The following SUGCT variants were observed in gnomAD, a reference collection of about 807,000 sequenced individuals.
The protein encoded by SUGCT is succinyl-CoA:glutarate-CoA transferase.
A neutral mutation model predicts 55.0 loss-of-function variants in SUGCT; 41 were observed. The ratio of observed to expected loss-of-function variants is 0.74; its 90% CI spans 0.58 to 0.97. SUGCT has a LOEUF of 0.97. Ranked by LOEUF, SUGCT falls within the 50% of genes least tolerant of loss-of-function variation. SUGCT has a pLI of 0.00. For missense variants in SUGCT, 568 were observed against 547.8 expected, an observed-to-expected ratio of 1.04 and a Z score of -0.37; for synonymous variants, 187 against 200.4, an observed-to-expected ratio of 0.93 and a Z score of 0.56.
intron 1 of SUGCT, among the ~76,000 whole-genome samples, chr7:40,178,988 T>G (rs947378514): frequency 6.6e-6 from 1 of 152,192 alleles, no homozygotes; most frequent in Admixed American, 6.5e-5. Flanking sequence ...TCTTTCTGCC[T>G]TTCTATAATA....
At chr7:40,621,413 C>T (rs1018816898) in intron 12 of SUGCT, among the ~76,000 whole-genome samples, 3 of 152,112 alleles carry the variant, frequency 2.0e-5, no homozygotes, top group Non-Finnish European at 2.9e-5. Flanking sequence ...GCTTTTTATT[C>T]CCTGGCTTGA....
chr7:40,283,131 T>C (rs1793079235), intron 8 of SUGCT, among the ~76,000 whole-genome samples: 1 of 152,030 alleles, frequency 6.6e-6, no homozygotes, highest in African/African-American at 2.4e-5. Flanking sequence ...TTGCAAAGCA[T>C]ATATCTGATA....
chr7:40,485,256 GT>G (rs1791264547), intron 11 of SUGCT, among the ~76,000 whole-genome samples: 1 of 151,740 alleles, frequency 6.6e-6, no homozygotes, highest in Non-Finnish European at 1.5e-5. Flanking sequence ...AAGACTTCCA[GT>G]AACCTGACTG....
the SUGCT span, among the ~76,000 whole-genome samples, chr7:40,901,378 T>G: frequency 0.051 from 7,698 of 152,290 alleles, 294 homozygotes; most frequent in South Asian, 0.17. Flanking sequence ...TTGTTTCAAC[T>G]TATGGGGAAT....
intron 6 of SUGCT, among the ~76,000 whole-genome samples, chr7:40,237,282 G>A: frequency 6.6e-6 from 1 of 151,586 alleles, no homozygotes; most frequent in East Asian, 2.0e-4. Flanking sequence ...TGTCTTTACT[G>A]AAAATACAAA....
At chr7:40,943,188 A>T in the SUGCT span, among the ~76,000 whole-genome samples, 6,078 of 151,270 alleles carry the variant, frequency 0.04, 139 homozygotes, top group South Asian at 0.074. Context: ...TGGGTTGATG[A>T]TTTCTTCTAA....
intron 12 of SUGCT, among the ~76,000 whole-genome samples, chr7:40,635,719 A>G (rs1799995098): frequency 1.3e-5 from 2 of 152,136 alleles, no homozygotes; most frequent in Middle Eastern, 3.2e-3. Flanking sequence ...ATCTGTTTTT[A>G]TTGCCAATAT....
the SUGCT span, chr7:40,966,531 G>A: frequency 2.0e-5 from 3 of 152,164 alleles, no homozygotes; most frequent in African/African-American, 7.2e-5. Context: ...TCTGTGAGGC[G>A]GTGGGAGGCG....
At chr7:40,376,519 G>C (rs1200756148) in intron 9 of SUGCT, among the ~76,000 whole-genome samples, 1 of 151,878 alleles carries the variant, frequency 6.6e-6, no homozygotes, top group African/African-American at 2.4e-5. Flanking sequence ...AGCCTCCTGA[G>C]TAGCTGGGAC....
the SUGCT span, among the ~76,000 whole-genome samples, chr7:41,032,035 A>G: frequency 2.6e-5 from 4 of 152,000 alleles, no homozygotes; most frequent in Non-Finnish European, 5.9e-5. Flanking sequence ...CTAAAATTAG[A>G]CTGAAGATGC....
intron 12 of SUGCT, among the ~76,000 whole-genome samples, chr7:40,748,446 GGTTTT>G (rs1303179997): frequency 6.6e-6 from 1 of 151,322 alleles, no homozygotes; most frequent in Non-Finnish European, 1.5e-5. Context: ...TTATTATTTA[GGTTTT>G]GTTTTAAAGA....
chr7:40,238,869 A>G (rs947486352), intron 7 of SUGCT, among the ~76,000 whole-genome samples: 2 of 148,622 alleles, frequency 1.3e-5, no homozygotes, highest in Non-Finnish European at 3.0e-5. Context: ...CGCCCAGGCT[A>G]GAGTGCAGTG....
At chr7:41,002,180 T>C in the SUGCT span, among the ~76,000 whole-genome samples, 4 of 152,106 alleles carry the variant, frequency 2.6e-5, no homozygotes, top group East Asian at 7.7e-4. Context: ...ACCATTATGC[T>C]TGGCTAATTT....
intron 12 of SUGCT, among the ~76,000 whole-genome samples, chr7:40,677,681 C>G (rs544845746): frequency 6.6e-6 from 1 of 152,214 alleles, no homozygotes; most frequent in South Asian, 2.1e-4. Context: ...CTAATAAGAA[C>G]GTTCATATCT....
At chr7:40,817,995 A>G (rs1015987100) in intron 13 of SUGCT, among the ~76,000 whole-genome samples, 2 of 152,174 alleles carry the variant, frequency 1.3e-5, no homozygotes, top group Admixed American at 6.5e-5. Context: ...CAAGAAATCA[A>G]TTTGCTTAAT....
intron 12 of SUGCT, among the ~76,000 whole-genome samples, chr7:40,555,909 G>C (rs1041090399): frequency 6.6e-6 from 1 of 151,790 alleles, no homozygotes; most frequent in Admixed American, 6.6e-5. Flanking sequence ...TTAACCAGGG[G>C]ATAAAACATT....
At chr7:40,632,568 G>A (rs1341658543) in intron 12 of SUGCT, among the ~76,000 whole-genome samples, 2 of 149,286 alleles carry the variant, frequency 1.3e-5, no homozygotes, top group Non-Finnish European at 3.0e-5. Flanking sequence ...TACCCGACCA[G>A]TTTCTTTCTT....
chr7:40,921,186 G>A, the SUGCT span, among the ~76,000 whole-genome samples: 1 of 152,030 alleles, frequency 6.6e-6, no homozygotes, highest in Non-Finnish European at 1.5e-5. Flanking sequence ...TTTAATAGGT[G>A]CTTGTAAGGT....
At chr7:40,206,410 C>T (rs1786978167) in intron 6 of SUGCT, among the ~76,000 whole-genome samples, 1 of 152,068 alleles carries the variant, frequency 6.6e-6, no homozygotes, top group Non-Finnish European at 1.5e-5. Context: ...TATTTAATCA[C>T]AAAGGTTAAA....
Sources: gnomAD v4.1 joint callset for allele counts (sites outside exome capture counted in the v4.1 genomes callset) on GRCh38, gnomAD v4.1.1 for gene constraint, MANE v1.5 for transcripts, NCBI Gene and HGNC (gene_info 2026-07-23, HGNC 2026-07-21) for gene names.